Variants in IL1RAPL2 observed in about 807,000 individuals in gnomAD.
The protein encoded by IL1RAPL2 is interleukin 1 receptor accessory protein like 2, also known as X-linked interleukin-1 receptor accessory protein-like 2.
A neutral mutation model predicts 44.1 loss-of-function variants in IL1RAPL2; 3 were observed. The observed-to-expected ratio is 0.07, with a 90% confidence interval of 0.03 to 0.18. The LOEUF (loss-of-function observed/expected upper bound fraction) is 0.18. IL1RAPL2 is among the 10% of genes least tolerant of loss of function. The pLI is 1.00. For missense variants in IL1RAPL2, 391 were observed against 496.4 expected (o/e 0.79, Z 2.02); for synonymous variants, 181 against 178.8 (o/e 1.01, Z -0.10).
intron 4 of IL1RAPL2, among the ~76,000 whole-genome samples, chrX:105,236,292 C>T (rs2034119316): frequency 8.9e-6 from 1 of 112,460 alleles, no homozygotes; most frequent in Non-Finnish European, 1.9e-5. Context: ...CCACTTCTCA[C>T]TCTTCCTTAG....
At chrX:105,159,713 A>G (rs1210386722) in intron 2 of IL1RAPL2, among the ~76,000 whole-genome samples, 1 of 111,934 alleles carries the variant, frequency 8.9e-6, no homozygotes, top group Middle Eastern at 4.2e-3. Context: ...GCAGACATGT[A>G]AAGCACTTCA....
chrX:104,682,643 T>A (rs758369587), intron 2 of IL1RAPL2, among the ~76,000 whole-genome samples: 71 of 112,106 alleles, frequency 6.3e-4, no homozygotes, highest in African/African-American at 2.3e-3. Flanking sequence ...GCCTAATAAA[T>A]AATAGCTACT....
chrX:104,777,541 A>AATT (rs376271609), intron 2 of IL1RAPL2, among the ~76,000 whole-genome samples: 9,912 of 85,205 alleles, frequency 0.12, 581 homozygotes, highest in African/African-American at 0.14. Flanking sequence ...CTCTGCTTTC[A>AATT]ATTATTATTA....
intron 2 of IL1RAPL2, among the ~76,000 whole-genome samples, chrX:104,957,851 G>A (rs916599546): frequency 9.0e-6 from 1 of 111,243 alleles, no homozygotes; most frequent in Non-Finnish European, 1.9e-5. Context: ...GGGAGGCCAA[G>A]GGAGGAGGAG....
chrX:105,657,423 G>A (rs2037684430), intron 6 of IL1RAPL2, among the ~76,000 whole-genome samples: 1 of 111,530 alleles, frequency 9.0e-6, no homozygotes, highest in Admixed American at 9.5e-5. Flanking sequence ...TCATCTCTTT[G>A]GGATGTCTCA....
chrX:104,880,989 TGGTAGTATAG>T (rs1923053529), intron 2 of IL1RAPL2, among the ~76,000 whole-genome samples: 1 of 111,889 alleles, frequency 8.9e-6, no homozygotes, highest in African/African-American at 3.2e-5. Flanking sequence ...GTTATTAATG[TGGTAGTATAG>T]TTTAACAGCA....
chrX:105,693,232 C>A (rs1168307421), intron 6 of IL1RAPL2, among the ~76,000 whole-genome samples: 2 of 111,985 alleles, frequency 1.8e-5, no homozygotes, highest in Non-Finnish European at 3.8e-5. Context: ...AGATAAGGAT[C>A]TTGATATGAT....
At chrX:105,342,821 C>T (rs910859174) in intron 5 of IL1RAPL2, among the ~76,000 whole-genome samples, 1 of 111,671 alleles carries the variant, frequency 9.0e-6, no homozygotes, top group African/African-American at 3.3e-5. Context: ...AAGCATGTTG[C>T]AATTAAATTT....
At chrX:105,598,557 C>T (rs936352487) in intron 6 of IL1RAPL2, among the ~76,000 whole-genome samples, 42 of 111,687 alleles carry the variant, frequency 3.8e-4, no homozygotes, top group African/African-American at 1.3e-3. Context: ...TCATTTTATA[C>T]ACCTTAACTT....
intron 2 of IL1RAPL2, among the ~76,000 whole-genome samples, chrX:105,174,041 C>A: frequency 9.0e-6 from 1 of 111,494 alleles, no homozygotes; most frequent in Middle Eastern, 4.6e-3. Context: ...CCTCTAACTG[C>A]TTCTTAAGCA....
At chrX:105,132,325 T>C (rs1038517337) in intron 2 of IL1RAPL2, among the ~76,000 whole-genome samples, 1 of 110,767 alleles carries the variant, frequency 9.0e-6, no homozygotes, top group Admixed American at 9.7e-5. Context: ...GTCAAATGCA[T>C]TGAGCCTTTT....
intron 2 of IL1RAPL2, among the ~76,000 whole-genome samples, chrX:105,099,496 G>A (rs1262531944): frequency 1.3e-5 from 1 of 77,254 alleles, no homozygotes. Context: ...ATGGAGTCTC[G>A]CTCTGTCGCC....
At chrX:105,072,271 C>T (rs1009228758) in intron 2 of IL1RAPL2, among the ~76,000 whole-genome samples, 6 of 111,760 alleles carry the variant, frequency 5.4e-5, no homozygotes, top group Admixed American at 2.9e-4. Context: ...CCTTCCCATC[C>T]GCAGAACCAT....
At chrX:104,624,253 C>A (rs184550076) in intron 1 of IL1RAPL2, among the ~76,000 whole-genome samples, 1 of 111,013 alleles carries the variant, frequency 9.0e-6, no homozygotes, top group Non-Finnish European at 1.9e-5. Flanking sequence ...TTAATATTTT[C>A]GACTTTCAGA....
chrX:104,971,183 A>G (rs1278847770), intron 2 of IL1RAPL2, among the ~76,000 whole-genome samples: 1 of 110,152 alleles, frequency 9.1e-6, no homozygotes, highest in Non-Finnish European at 1.9e-5. Flanking sequence ...CCCCATCTCT[A>G]CTAAAAATAC....
rs536712607 is a variant in IL1RAPL2 at position 105,747,189 on chromosome X, A to AT, written c.1049-1761dup. ...GAAGCATTGCTAATTATGTGGTGAA[A>AT]TTTTTTTTTTACCTGAAATTTTGTG... is the stretch of plus-strand genomic sequence containing the variant. On this transcript the variant is annotated intron_variant, in intron 8 of 10. Coordinates refer to ENST00000372582, the MANE Select transcript of IL1RAPL2 (RefSeq NM_017416.2). Among the ~76,000 whole-genome samples, 4 of 106,633 alleles carry AT rather than the reference A, an allele frequency of 3.8e-5. No homozygotes were observed. The East Asian group carries it at 8.9e-4, about 24-fold the overall frequency. The allele number at this position is 106,633 out of a possible 115,157, so 92.6% of individuals were successfully genotyped here. A position where few individuals can be genotyped will look rare whatever the true frequency, so the allele number is the denominator to read the frequency against.
chrX:105,433,834 T>C (rs964968687), intron 5 of IL1RAPL2, among the ~76,000 whole-genome samples: 6 of 111,080 alleles, frequency 5.4e-5, no homozygotes, highest in African/African-American at 2.0e-4. Flanking sequence ...GTTAATGATA[T>C]GGATATGTCA....
intron 2 of IL1RAPL2, among the ~76,000 whole-genome samples, chrX:104,882,915 C>T (rs1415190792): frequency 1.8e-5 from 2 of 111,413 alleles, no homozygotes; most frequent in African/African-American, 6.5e-5. Flanking sequence ...GGACGCCCCA[C>T]CTTTAAAAGC....
At chrX:105,467,358 C>T (rs928505672) in intron 5 of IL1RAPL2, among the ~76,000 whole-genome samples, 7 of 111,481 alleles carry the variant, frequency 6.3e-5, no homozygotes, top group Admixed American at 9.5e-5. Flanking sequence ...CACTCAATTG[C>T]TTATACAAAG....
Sources: allele counts gnomAD v4.1 joint callset (sites outside exome capture counted in the v4.1 genomes callset), GRCh38; gene constraint gnomAD v4.1.1; transcripts MANE v1.5; gene names NCBI Gene and HGNC (gene_info 2026-07-23, HGNC 2026-07-21).